PGM2: variants seen among roughly 807,000 people sequenced by gnomAD.
PGM2 encodes the protein phosphopentomutase.
PGM2 carries 57 observed loss-of-function variants against 74.6 expected under a neutral mutation model. The ratio of observed to expected loss-of-function variants is 0.76; its 90% CI spans 0.62 to 0.95. The LOEUF (loss-of-function observed/expected upper bound fraction) is 0.95, where lower values mean the gene tolerates loss of function less well. PGM2 is among the 40% of genes least tolerant of loss of function. PGM2 has a pLI of 0.00. For missense variants in PGM2, 706 were observed against 741.9 expected, an observed-to-expected ratio of 0.95 and a Z score of 0.56; for synonymous variants, 273 against 260.7, an observed-to-expected ratio of 1.05 and a Z score of -0.46.
In PGM2 at chr4:37,847,235, A is replaced by G; in HGVS notation, c.1222A>G (p.Arg408Gly). 6.2e-7 allele frequency: 1 copy of G among 1,614,044 alleles called. No homozygotes were observed. Among genetic ancestry groups the G allele is most frequent in the Non-Finnish European group, 8.5e-7 (1 of 1,179,882 alleles). Residue 408 changes from arginine (R) to glycine (G), a missense_variant, in exon 10 of 14, where the codon AGA becomes GGA. Coordinates refer to ENST00000381967, the MANE Select transcript of PGM2 (RefSeq NM_018290.4). The part of the protein sequence containing the change: ...TLTGFKWMGN[R>G]AKQLIDQGKT... ...AACTGGCTTTAAGTGGATGGGAAAC[A>G]GAGCCAAACAGCTAATAGACCAGGG... is the stretch of plus-strand genomic sequence containing the variant.
chr4:37,833,424 G>A (rs1725485904), intron 2 of PGM2, among the ~76,000 whole-genome samples: 1 of 152,260 alleles, frequency 6.6e-6, no homozygotes, highest in South Asian at 2.1e-4. Flanking sequence ...AGCCAGACAT[G>A]GTAGCATGTG....
intron 6 of PGM2, among the ~76,000 whole-genome samples, chr4:37,842,690 T>C (rs1178388587): frequency 6.6e-6 from 1 of 151,542 alleles, no homozygotes; most frequent in African/African-American, 2.4e-5. Flanking sequence ...AGACAGGTTC[T>C]CACATTGTCA....
intron 8 of PGM2, 122 bp from the exon 9 acceptor site, chr4:37,846,809 A>G: frequency 1.3e-6 from 1 of 741,432 alleles, no homozygotes; most frequent in Middle Eastern, 2.9e-4. Flanking sequence ...GAATAACAAG[A>G]ACAGCCTTGC....
intron 6 of PGM2, among the ~76,000 whole-genome samples, 175 bp downstream of exon 6, chr4:37,840,434 A>G (rs1032760579): frequency 7.2e-5 from 11 of 152,276 alleles, no homozygotes; most frequent in African/African-American, 2.4e-4. Context: ...CCCAGGCTGG[A>G]GTGCAGTGGC....
chr4:37,859,788 C>T (rs1711702280), intron 13 of PGM2, among the ~76,000 whole-genome samples: 1 of 152,124 alleles, frequency 6.6e-6, no homozygotes, highest in Admixed American at 6.6e-5. Context: ...AATGTTTTTT[C>T]ATGATGATTA....
At chr4:37,850,957 C>CTCTAGCCT (rs1726023442) in intron 12 of PGM2, among the ~76,000 whole-genome samples, 1 of 138,846 alleles carries the variant, frequency 7.2e-6, no homozygotes, top group Admixed American at 7.9e-5. Context: ...CACCACTACA[C>CTCTAGCCT]TCTAGCCTGG....
chr4:37,855,352 C>T lies in PGM2; in HGVS notation c.1603-256C>T, dbSNP rs369528971. ...TCAACATAATGTCTTCCAGGTTCTT[C>T]CATATTGTTGCAAATGACAGGATTT... is the stretch of plus-strand genomic sequence containing the variant. On this transcript the variant is annotated intron_variant, in intron 12 of 13. Coordinates refer to ENST00000381967, the MANE Select transcript of PGM2 (RefSeq NM_018290.4). Among the ~76,000 whole-genome samples, 483 of 152,254 alleles carry T rather than the reference C, an allele frequency of 3.2e-3. 5 individuals carry two copies. The highest frequency in any genetic ancestry group is 0.011 in the African/African-American group (468 of 41,540).
At chr4:37,836,560 G>A (rs935155696) in intron 3 of PGM2, among the ~76,000 whole-genome samples, 5 of 152,130 alleles carry the variant, frequency 3.3e-5, no homozygotes, top group African/African-American at 1.2e-4. Context: ...AGAGAGTGGC[G>A]ATCTGCTCTT....
chr4:37,849,272 A>G (rs929303101), intron 11 of PGM2, among the ~76,000 whole-genome samples: 21 of 152,080 alleles, frequency 1.4e-4, no homozygotes, highest in Non-Finnish European at 2.4e-4. Context: ...CACTTACTCA[A>G]CTCTGCCTTG....
intron 12 of PGM2, among the ~76,000 whole-genome samples, chr4:37,854,593 C>T (rs969074123): frequency 5.9e-5 from 9 of 151,868 alleles, no homozygotes; most frequent in Admixed American, 4.6e-4. Context: ...TCATGTGATC[C>T]GCCCTCCTCG....
intron 8 of PGM2, among the ~76,000 whole-genome samples, chr4:37,846,033 A>T (rs1434921620): frequency 6.6e-6 from 1 of 152,208 alleles, no homozygotes; most frequent in Non-Finnish European, 1.5e-5. Flanking sequence ...GTAATGTCTC[A>T]GTGTCTAATG....
intron 3 of PGM2, among the ~76,000 whole-genome samples, chr4:37,836,390 G>GT (rs1725567739): frequency 6.6e-6 from 1 of 152,208 alleles, no homozygotes; most frequent in Non-Finnish European, 1.5e-5. Context: ...TGGAATCTTC[G>GT]TAAGGAGTTG....
chr4:37,830,727 C>G (rs1413788735), intron 2 of PGM2, among the ~76,000 whole-genome samples: 4 of 152,214 alleles, frequency 2.6e-5, no homozygotes, highest in Non-Finnish European at 4.4e-5. Context: ...ATCAGTATTT[C>G]TTCACCTTAG....
intron 6 of PGM2, among the ~76,000 whole-genome samples, chr4:37,842,178 A>G (rs1018968273): frequency 1.4e-5 from 2 of 147,800 alleles, no homozygotes; most frequent in Middle Eastern, 3.3e-3. Flanking sequence ...TATACATATT[A>G]TATATACATA....
At chr4:37,855,456 A>G in intron 12 of PGM2, 152 bp from the exon 13 acceptor site, 1 of 623,736 alleles carries the variant, frequency 1.6e-6, no homozygotes, top group South Asian at 2.1e-5. Flanking sequence ...TATTTCATTC[A>G]TGTGGAGTAC....
chr4:37,856,757 T>C (rs1309290989), intron 13 of PGM2, among the ~76,000 whole-genome samples: 1 of 152,194 alleles, frequency 6.6e-6, no homozygotes, highest in Non-Finnish European at 1.5e-5. Flanking sequence ...ATTAAGTCAG[T>C]GCTGTCTGAC....
intron 12 of PGM2, among the ~76,000 whole-genome samples, chr4:37,850,662 C>A (rs936920413): frequency 1.3e-5 from 2 of 151,330 alleles, no homozygotes; most frequent in Non-Finnish European, 2.9e-5. Context: ...ATTAGCTGGG[C>A]GTGGTAAGTT....
intron 4 of PGM2, chr4:37,839,419 A>G: frequency 5.2e-6 from 2 of 382,114 alleles, no homozygotes; most frequent in South Asian, 2.0e-5. Context: ...CTGGCCCCTC[A>G]GTGTTTTCCT....
At chr4:37,832,426 G>A (rs1056978074) in intron 2 of PGM2, among the ~76,000 whole-genome samples, 9 of 152,174 alleles carry the variant, frequency 5.9e-5, no homozygotes, top group African/African-American at 2.2e-4. Flanking sequence ...TGGCATAGGT[G>A]CCCTTCCTGC....
Sources: gnomAD v4.1 joint callset for allele counts (sites outside exome capture counted in the v4.1 genomes callset) on GRCh38, gnomAD v4.1.1 for gene constraint, MANE v1.5 for transcripts, NCBI Gene and HGNC (gene_info 2026-07-23, HGNC 2026-07-21) for gene names.